Variants in UNC80 observed in about 807,000 individuals in gnomAD.
UNC80 encodes the protein protein unc-80 homolog.
UNC80 carries 164 observed loss-of-function variants against 384.6 expected under a neutral mutation model. That is an observed-to-expected ratio of 0.43 (90% CI 0.38 to 0.49). The LOEUF is 0.49. Ranked by LOEUF, UNC80 falls within the 20% of genes least tolerant of loss-of-function variation. The probability of loss-of-function intolerance (pLI) is 0.00; values close to 1 mark genes in which losing one functional copy is unlikely to be tolerated. For synonymous variants in UNC80, 1,486 were observed against 1,527.8 expected (o/e 0.97, Z 0.64); for missense variants, 3,330 against 4,143.0 (o/e 0.80, Z 5.39).
chr2:209,797,571 C>T (rs2078243214), intron 7 of UNC80, among the ~76,000 whole-genome samples: 1 of 152,154 alleles, frequency 6.6e-6, no homozygotes, highest in Non-Finnish European at 1.5e-5. Flanking sequence ...TCCAGTCTAT[C>T]ATTGATGGGT....
chr2:209,828,535 A>T (rs2080718323), intron 14 of UNC80, among the ~76,000 whole-genome samples: 1 of 151,848 alleles, frequency 6.6e-6, no homozygotes, highest in African/African-American at 2.4e-5. Flanking sequence ...ATTTCCAAGA[A>T]TTTTTTCCTG....
intron 61 of UNC80, among the ~76,000 whole-genome samples, chr2:209,986,970 GA>G (rs776292947): frequency 7.2e-5 from 11 of 152,118 alleles, no homozygotes; most frequent in Non-Finnish European, 1.2e-4. Context: ...TTAAAATCCT[GA>G]AGTAGTAAGG....
At position 209,967,705 on chromosome 2, in the gene UNC80, A is replaced by ATGG. The variant is rs1241977847; in HGVS notation, c.8006+72_8006+74dup. ...AAGTTAAGATTTGTCATTTTTTAAG[A>ATGG]TGGTGGATCATTCTGGAGTTGAATG... On this transcript the variant is annotated intron_variant, in intron 52 of 64. Coordinates refer to ENST00000673920, the MANE Select transcript of UNC80 (RefSeq NM_001371986.1). The ATGG allele has an allele frequency of 6.8e-6, 10 of 1,472,496 alleles. No individual in the cohort carries two copies. In the South Asian group the frequency reaches 1.1e-4, roughly 17 times the overall value. The allele number at this position is 1,472,496 out of a possible 1,614,324, so 91.2% of individuals were successfully genotyped here.
At chr2:209,954,435 A>C (rs1208492062) in intron 48 of UNC80, 165 bp downstream of exon 48, 11 of 497,782 alleles carry the variant, frequency 2.2e-5, no homozygotes, top group Non-Finnish European at 3.3e-5. Context: ...ACAGTTCGTG[A>C]GTTATTTGAA....
Position 209,998,728 on chromosome 2 carries a change from A to G in UNC80, c.*3133A>G, listed in dbSNP as rs138476330. 3.9e-5 allele frequency: 6 copies of G among 152,206 alleles called. No homozygotes were observed. The highest frequency in any genetic ancestry group is 8.8e-5 in the Non-Finnish European group (6 of 68,048). The allele number at this position is 152,206 out of a possible 1,614,324, so 9.4% of individuals were successfully genotyped here. A position where few individuals can be genotyped will look rare whatever the true frequency, so the allele number is the denominator to read the frequency against. On this transcript the variant is annotated 3_prime_UTR_variant, in exon 65 of 65. Coordinates refer to ENST00000673920, the MANE Select transcript of UNC80 (RefSeq NM_001371986.1). ...GTACAGTCTGAAACATGAATTAAAT[A>G]TCCTTCCTCAAGTTATAAAGGATAC...
chr2:209,967,295 A>G (rs2092766276), intron 51 of UNC80, 142 bp from the exon 52 acceptor site: 1 of 487,482 alleles, frequency 2.1e-6, no homozygotes, highest in Non-Finnish European at 3.4e-6. Flanking sequence ...GCAGAGGGAT[A>G]GAGGATGTTG....
intron 36 of UNC80, among the ~76,000 whole-genome samples, chr2:209,929,387 C>T (rs1485345128): frequency 6.6e-6 from 1 of 152,122 alleles, no homozygotes; most frequent in African/African-American, 2.4e-5. Context: ...TTGTTACTGG[C>T]TCAACTACTT....
At chr2:209,789,458 A>C (rs1574451650) in intron 5 of UNC80, 74 bp from the exon 6 acceptor site, 1 of 1,009,698 alleles carries the variant, frequency 9.9e-7, no homozygotes, top group East Asian at 2.4e-5. Flanking sequence ...TTTCTATTTG[A>C]AAATGAAATG....
intron 22 of UNC80, among the ~76,000 whole-genome samples, chr2:209,868,062 G>A (rs1271963739): frequency 7.2e-5 from 11 of 152,312 alleles, no homozygotes; most frequent in South Asian, 2.1e-4. Flanking sequence ...CACAGCTACT[G>A]TAGAAATAGG....
At chr2:209,965,653 C>T (rs2092721888) in intron 51 of UNC80, among the ~76,000 whole-genome samples, 1 of 151,960 alleles carries the variant, frequency 6.6e-6, no homozygotes, top group African/African-American at 2.4e-5. Context: ...GAACTCCTGA[C>T]CTCGTGATCC....
chr2:209,991,703 A>G (rs932270744), intron 61 of UNC80, among the ~76,000 whole-genome samples: 1 of 152,224 alleles, frequency 6.6e-6, no homozygotes, highest in Non-Finnish European at 1.5e-5. Flanking sequence ...CCCTTCACCC[A>G]AATAAATTCT....
chr2:209,830,912 G>A (rs939673645), intron 15 of UNC80, among the ~76,000 whole-genome samples: 4 of 152,076 alleles, frequency 2.6e-5, no homozygotes, highest in Non-Finnish European at 5.9e-5. Flanking sequence ...GTCTTTCCCA[G>A]GGCCTTTGAG....
At chr2:209,916,155 G>A (rs1356643999) in intron 31 of UNC80, among the ~76,000 whole-genome samples, 2 of 152,188 alleles carry the variant, frequency 1.3e-5, no homozygotes, top group Non-Finnish European at 2.9e-5. Context: ...GAACAAGTTG[G>A]TATACATGGC....
intron 23 of UNC80, among the ~76,000 whole-genome samples, chr2:209,873,648 A>C (rs1348967495): frequency 1.3e-5 from 2 of 152,222 alleles, no homozygotes; most frequent in Non-Finnish European, 2.9e-5. Flanking sequence ...AAGAGGACCA[A>C]GTTTCTGCTA....
At chr2:209,947,736 T>C (rs1553610571) in intron 47 of UNC80, among the ~76,000 whole-genome samples, 2 of 147,590 alleles carry the variant, frequency 1.4e-5, no homozygotes, top group Non-Finnish European at 2.9e-5. Flanking sequence ...TTTAAAAGTA[T>C]TTTATTTAAG....
At chr2:209,866,601 TG>T (rs2083851846) in intron 22 of UNC80, among the ~76,000 whole-genome samples, 1 of 150,106 alleles carries the variant, frequency 6.7e-6, no homozygotes, top group Non-Finnish European at 1.5e-5. Context: ...GTATTGCAGT[TG>T]GAAAAACCTG....
At chr2:209,905,942 T>G (rs907203028) in intron 29 of UNC80, among the ~76,000 whole-genome samples, 2 of 152,204 alleles carry the variant, frequency 1.3e-5, no homozygotes, top group Non-Finnish European at 2.9e-5. Context: ...GACTGAATGT[T>G]GTGGCTGCCC....
intron 59 of UNC80, among the ~76,000 whole-genome samples, chr2:209,979,206 G>A (rs970752125): frequency 1.7e-4 from 26 of 152,254 alleles, no homozygotes; most frequent in Admixed American, 2.6e-4. Flanking sequence ...CCAAGATCGC[G>A]CCAATGCACT....
At chr2:209,853,680 G>T (rs998531600) in intron 22 of UNC80, among the ~76,000 whole-genome samples, 2 of 151,946 alleles carry the variant, frequency 1.3e-5, no homozygotes, top group African/African-American at 4.8e-5. Context: ...TCAAGCAAAA[G>T]GTATGTCTAC....
Sources: gnomAD v4.1 joint callset for allele counts (sites outside exome capture counted in the v4.1 genomes callset) on GRCh38, gnomAD v4.1.1 for gene constraint, MANE v1.5 for transcripts, NCBI Gene and HGNC (gene_info 2026-07-23, HGNC 2026-07-21) for gene names.